CFAP20DC: variants seen among roughly 807,000 people sequenced by gnomAD.
CFAP20DC encodes the protein protein CFAP20DC.
In CFAP20DC, 84 loss-of-function variants were observed where a neutral mutation model predicts 101.7. The ratio of observed to expected loss-of-function variants is 0.83; its 90% CI spans 0.69 to 0.99. CFAP20DC has a LOEUF of 0.99. Among genes scored for constraint, CFAP20DC ranks in the 50% least tolerant of loss-of-function variants. CFAP20DC has a pLI of 0.00. For synonymous variants in CFAP20DC, 359 were observed against 351.2 expected (o/e 1.02, Z -0.25); for missense variants, 1,007 against 970.3 (o/e 1.04, Z -0.50).
intron 13 of CFAP20DC, among the ~76,000 whole-genome samples, chr3:58,848,005 T>G (rs2077846027): frequency 8.6e-6 from 1 of 116,672 alleles, no homozygotes; most frequent in Non-Finnish European, 1.7e-5. Flanking sequence ...TATCACACTC[T>G]GGGGACTGTT....
At chr3:58,792,874 A>G (rs1162073528) in intron 15 of CFAP20DC, among the ~76,000 whole-genome samples, 4 of 152,106 alleles carry the variant, frequency 2.6e-5, no homozygotes, top group Non-Finnish European at 5.9e-5. Flanking sequence ...AAGAAAAAGT[A>G]CATGTGGTGT....
chr3:58,851,176 G>T (rs780581536), intron 12 of CFAP20DC, among the ~76,000 whole-genome samples: 1 of 152,162 alleles, frequency 6.6e-6, no homozygotes, highest in Non-Finnish European at 1.5e-5. Context: ...AAGGCAAAGA[G>T]GAGTCATTGT....
Position 58,849,080 on chromosome 3 carries a change from G to A in CFAP20DC, c.1923C>T (p.Ser641=). Residue 641 remains serine (S), a synonymous_variant, in exon 13 of 17, where the codon TCC becomes TCT. Transcript: ENST00000482387. ...QQVPASLNKT[S]LKEISGERLS... ...GCCTTTCCCCTGAGATTTCTTTCAG[G>A]GAGGTTTTGTTTAGTGAAGCTGGCA... 6.5e-7 allele frequency: 1 copy of A among 1,536,052 alleles called. No homozygotes were observed. Among genetic ancestry groups the A allele is most frequent in the Non-Finnish European group, 8.7e-7 (1 of 1,146,906 alleles).
chr3:58,757,549 C>G (rs528026409), intron 15 of CFAP20DC, among the ~76,000 whole-genome samples: 1 of 151,512 alleles, frequency 6.6e-6, no homozygotes, highest in South Asian at 2.1e-4. Context: ...AAGGTATCAG[C>G]CATTTAAAAA....
At chr3:59,040,682 A>C (rs1486398887) in intron 3 of CFAP20DC, among the ~76,000 whole-genome samples, 1 of 152,080 alleles carries the variant, frequency 6.6e-6, no homozygotes, top group Non-Finnish European at 1.5e-5. Context: ...TTAAAGTAAC[A>C]ACACGTTTTT....
At chr3:58,744,030 T>C (rs1284369917) in intron 16 of CFAP20DC, among the ~76,000 whole-genome samples, 1 of 152,250 alleles carries the variant, frequency 6.6e-6, no homozygotes, top group African/African-American at 2.4e-5. Flanking sequence ...TGAAATCTGC[T>C]GATTCTTGTG....
At chr3:58,811,898 C>T (rs1376371850) in intron 14 of CFAP20DC, among the ~76,000 whole-genome samples, 1 of 152,198 alleles carries the variant, frequency 6.6e-6, no homozygotes, top group Non-Finnish European at 1.5e-5. Flanking sequence ...GGGCGAAGGA[C>T]ATGAACAGAC....
chr3:58,973,449 T>TA (rs1316509835), intron 4 of CFAP20DC, among the ~76,000 whole-genome samples: 1 of 152,228 alleles, frequency 6.6e-6, no homozygotes, highest in Non-Finnish European at 1.5e-5. Flanking sequence ...CACAGCCTTC[T>TA]AGCTGGTCTC....
In CFAP20DC at chr3:58,753,753, T is replaced by G; in HGVS notation, c.2332+16A>C. On this transcript the variant is annotated intron_variant, in intron 16 of 16. Coordinates refer to ENST00000482387, the MANE Select transcript of CFAP20DC (RefSeq NM_001394063.1). Reference sequence around the variant, plus strand: ...TATTTTTATTTTCTTATGCATATCGTTTTTCATAGTCCCACCTTGAACACT... The same window carrying G: ...TATTTTTATTTTCTTATGCATATCGGTTTTCATAGTCCCACCTTGAACACT... 6 of 1,559,496 alleles carry G rather than the reference T, an allele frequency of 3.8e-6. No homozygotes were observed. The highest frequency in any genetic ancestry group is 3.5e-6 in the Non-Finnish European group (4 of 1,132,476).
At chr3:58,978,507 G>A (rs752207782) in intron 4 of CFAP20DC, among the ~76,000 whole-genome samples, 4 of 151,932 alleles carry the variant, frequency 2.6e-5, no homozygotes, top group Admixed American at 6.6e-5. Flanking sequence ...CTAGGAGTTC[G>A]AGACCATTCT....
At chr3:58,973,827 C>CTAGA (rs1314284780) in intron 4 of CFAP20DC, among the ~76,000 whole-genome samples, 1 of 152,102 alleles carries the variant, frequency 6.6e-6, no homozygotes, top group African/African-American at 2.4e-5. Flanking sequence ...AGGGAAGGAA[C>CTAGA]TAGAGTCAGA....
In CFAP20DC at chr3:58,874,624, G is replaced by A. The variant is rs1278409487; in HGVS notation, c.716-4315C>T. On this transcript the variant is annotated intron_variant, in intron 7 of 16. Coordinates refer to ENST00000482387, the MANE Select transcript of CFAP20DC (RefSeq NM_001394063.1). This position sits in a 1 kb window ranked among gnomAD's most constrained non-coding sequence, Gnocchi z 5.1. ...TTGTGTATGCTGTTCATGGCAAGAA[G>A]GCTTTTCCTTTCCCTCTTGACCTTT... Among the ~76,000 whole-genome samples the A allele has an allele frequency of 6.6e-6, 1 of 152,098 alleles. No individual in the cohort carries two copies.
At chr3:58,781,632 G>T (rs2071837122) in intron 15 of CFAP20DC, among the ~76,000 whole-genome samples, 1 of 151,910 alleles carries the variant, frequency 6.6e-6, no homozygotes, top group African/African-American at 2.4e-5. Flanking sequence ...AAATACAAAA[G>T]ATCATTAGAG....
At chr3:58,842,437 G>C (rs567653739) in intron 13 of CFAP20DC, among the ~76,000 whole-genome samples, 1 of 152,022 alleles carries the variant, frequency 6.6e-6, no homozygotes, top group Non-Finnish European at 1.5e-5. Flanking sequence ...ACTCCCACCC[G>C]AATATTGCGC....
chr3:58,985,628 C>G (rs2092725034), intron 4 of CFAP20DC, among the ~76,000 whole-genome samples: 1 of 152,140 alleles, frequency 6.6e-6, no homozygotes, highest in Non-Finnish European at 1.5e-5. Context: ...ACATGTTTAT[C>G]TCTCATCCAA....
intron 7 of CFAP20DC, among the ~76,000 whole-genome samples, chr3:58,871,841 T>C (rs550014042): frequency 6.6e-6 from 1 of 152,274 alleles, no homozygotes; most frequent in South Asian, 2.1e-4. Context: ...TAGGATTGAA[T>C]TCTGGCTAAT....
chr3:58,929,123 G>A (rs190052365), intron 5 of CFAP20DC, among the ~76,000 whole-genome samples: 7 of 152,218 alleles, frequency 4.6e-5, no homozygotes, highest in East Asian at 1.9e-4. Flanking sequence ...CTCATTTATC[G>A]AATATGAAAG....
At chr3:58,930,181 A>G (rs753564682) in intron 5 of CFAP20DC, among the ~76,000 whole-genome samples, 1 of 152,186 alleles carries the variant, frequency 6.6e-6, no homozygotes, top group African/African-American at 2.4e-5. Context: ...TACATGTCTT[A>G]GCTCATCTGA....
Position 58,867,902 on chromosome 3 carries a change from A to G in CFAP20DC, c.1050T>C (p.Pro350=), listed in dbSNP as rs1411506385. The G allele has an allele frequency of 1.2e-6, 2 of 1,612,974 alleles. No homozygotes were observed. The highest frequency in any genetic ancestry group is 4.5e-5 in the East Asian group (2 of 44,848). The change falls in exon 10 of 17, where the codon CCT becomes CCC. Residue 350 remains proline (P), a synonymous_variant. Coordinates refer to ENST00000482387, the MANE Select transcript of CFAP20DC (RefSeq NM_001394063.1). The part of the protein sequence containing the change: ...ANLHIMHPHP[P]QEPSADKNNN... ...TATTCTTATCTGCTGATGGTTCTTG[A>G]GGGGGATGCGGATGCATAATATGTA...
Sources: allele counts gnomAD v4.1 joint callset (sites outside exome capture counted in the v4.1 genomes callset), GRCh38; gene constraint gnomAD v4.1.1; non-coding constraint Gnocchi (gnomAD v3.1); transcripts MANE v1.5; gene names NCBI Gene and HGNC (gene_info 2026-07-23, HGNC 2026-07-21).